Variants in PPL observed in about 807,000 individuals in gnomAD.
The protein encoded by PPL is periplakin.
Under a neutral mutation model 194.4 loss-of-function variants are expected in PPL, and 198 were observed. That is an observed-to-expected ratio of 1.02 (90% confidence interval 0.91 to 1.15). The LOEUF (loss-of-function observed/expected upper bound fraction) is 1.15, where lower values mean the gene tolerates loss of function less well. Among genes scored for constraint, PPL ranks in the 50% most tolerant of loss-of-function variants. The pLI is 0.00. For synonymous variants in PPL, 1,220 were observed against 972.4 expected, an observed-to-expected ratio of 1.25 and a Z score of -4.74; for missense variants, 2,885 against 2,294.8, an observed-to-expected ratio of 1.26 and a Z score of -5.25.
chr16:4,884,947 A>G lies in PPL; in HGVS notation c.3708T>C (p.Ile1236=). 1 of 1,614,030 alleles carries G rather than the reference A, an allele frequency of 6.2e-7. No homozygotes were observed. Among genetic ancestry groups the G allele is most frequent in the Non-Finnish European group, 8.5e-7 (1 of 1,179,992 alleles). ...VEVKEVTKEV[I]KYKTDPEMEK... ...CCATCTCAGGGTCAGTCTTGTACTT[A>G]ATGACTTCCTTAGTCACCTCTTTGA... Residue 1236 remains isoleucine (I), a synonymous_variant, in exon 22 of 22, where the codon ATT becomes ATC. Coordinates refer to ENST00000345988, the MANE Select transcript of PPL (RefSeq NM_002705.5). The surrounding 1 kb of genome is among the most constrained non-coding windows in gnomAD (Gnocchi z 5.7).
In PPL at chr16:4,892,070, C is replaced by G. The variant is rs1567998245; in HGVS notation, c.1794G>C (p.Glu598Asp). ...CCAAGTCCAGCAGCTGCAGGAGGTGCTCGTATTTCCGGTTGGTGTCCTCCA... is the reference window on the plus strand; with the variant it reads ...CCAAGTCCAGCAGCTGCAGGAGGTGGTCGTATTTCCGGTTGGTGTCCTCCA... ...TRVEDTNRKY[E>D]HLLQLLDLAQ... Residue 598 changes from glutamate (E) to aspartate (D), a missense_variant, in exon 15 of 22, where the codon GAG (glutamate) becomes GAC (aspartate). Glu to Asp is a conservative substitution (Grantham distance 45). Coordinates refer to ENST00000345988, the MANE Select transcript of PPL (RefSeq NM_002705.5). 6.2e-7 allele frequency: 1 copy of G among 1,613,820 alleles called. No individual in the cohort carries two copies. Among genetic ancestry groups the G allele is most frequent in the East Asian group, 2.2e-5 (1 of 44,878 alleles).
chr16:4,897,942 G>A (rs1417358461), intron 8 of PPL, among the ~76,000 whole-genome samples, 172 bp from the exon 9 acceptor site: 1 of 152,178 alleles, frequency 6.6e-6, no homozygotes, highest in African/African-American at 2.4e-5. Context: ...GAGGAGGAGA[G>A]AGGGGTCACG....
chr16:4,926,784 C>T (rs8057161), intron 1 of PPL, among the ~76,000 whole-genome samples: 11,536 of 144,430 alleles, frequency 0.08, 650 homozygotes, highest in African/African-American at 0.16. Context: ...GAGGCTGAGG[C>T]GGGAGAATGG....
intron 2 of PPL, among the ~76,000 whole-genome samples, chr16:4,910,517 C>T (rs954245682): frequency 1.3e-5 from 2 of 152,108 alleles, no homozygotes; most frequent in Non-Finnish European, 2.9e-5. Flanking sequence ...AGACGCTTTC[C>T]ACAGGGCCCA....
chr16:4,908,443 T>TCC (rs201414349), intron 2 of PPL, among the ~76,000 whole-genome samples: 1 of 135,202 alleles, frequency 7.4e-6, no homozygotes, highest in Non-Finnish European at 1.6e-5. Flanking sequence ...TCTCTCTCTC[T>TCC]CTCACACACA....
chr16:4,919,024 C>A (rs2088983948), intron 1 of PPL, among the ~76,000 whole-genome samples: 1 of 152,202 alleles, frequency 6.6e-6, no homozygotes, highest in African/African-American at 2.4e-5. Context: ...CAGACACAGA[C>A]AGCAGCCACC....
chr16:4,908,092 G>T (rs556584106), intron 2 of PPL, among the ~76,000 whole-genome samples: 1 of 151,626 alleles, frequency 6.6e-6, no homozygotes, highest in East Asian at 1.9e-4. Flanking sequence ...AACCCGGGAG[G>T]TGGAGGTTGC....
At chr16:4,935,092 T>C (rs533663755) in intron 1 of PPL, among the ~76,000 whole-genome samples, 2 of 152,300 alleles carry the variant, frequency 1.3e-5, no homozygotes, top group Admixed American at 1.3e-4. Flanking sequence ...GGACAGACCG[T>C]GGCTGCCTTG....
chr16:4,935,899 G>C (rs1347457265), intron 1 of PPL, among the ~76,000 whole-genome samples: 1 of 152,154 alleles, frequency 6.6e-6, no homozygotes, highest in African/African-American at 2.4e-5. Flanking sequence ...CCAGACAGGA[G>C]AGCCATGTAA....
At position 4,890,641 on chromosome 16, in the gene PPL, C is replaced by A. The variant is rs2088301376; in HGVS notation, c.2162+87G>T. ...TCACCAAAAAGAAAAACAGCAAAAT[C>A]TGTGGGACACGGCTAAAGCATTGCT... is the stretch of plus-strand genomic sequence containing the variant. On this transcript the variant is annotated intron_variant, in intron 17 of 21. Coordinates refer to ENST00000345988, the MANE Select transcript of PPL (RefSeq NM_002705.5). 29 of 1,441,818 alleles carry A rather than the reference C, an allele frequency of 2.0e-5. No homozygotes were observed. The South Asian group carries it at 3.3e-4, about 16-fold the overall frequency. The allele number at this position is 1,441,818 out of a possible 1,614,324, so 89.3% of individuals were successfully genotyped here. A position where few individuals can be genotyped will look rare whatever the true frequency, so the allele number is the denominator to read the frequency against.
intron 1 of PPL, among the ~76,000 whole-genome samples, chr16:4,929,856 T>C (rs1337738831): frequency 6.6e-6 from 1 of 151,942 alleles, no homozygotes; most frequent in Non-Finnish European, 1.5e-5. Flanking sequence ...CAGCTAATTT[T>C]TTTTTTTTTT....
At chr16:4,922,361 C>G (rs934129858) in intron 1 of PPL, among the ~76,000 whole-genome samples, 1 of 152,106 alleles carries the variant, frequency 6.6e-6, no homozygotes, top group African/African-American at 2.4e-5. Context: ...TTTTAAGGAG[C>G]TGATAAAAGC....
rs747042407 is a variant in PPL at position 4,894,532 on chromosome 16, C to G, written c.1329G>C (p.Leu443=). 1 of 1,613,988 alleles carries G rather than the reference C, an allele frequency of 6.2e-7. No individual in the cohort carries two copies. Among genetic ancestry groups the G allele is most frequent in the South Asian group, 1.1e-5 (1 of 91,084 alleles). The change falls in exon 12 of 22, where the codon CTG becomes CTC. Residue 443 remains leucine, a synonymous_variant. Coordinates refer to ENST00000345988, the MANE Select transcript of PPL (RefSeq NM_002705.5). ...TCACAAAACACACGGCCGGAGCAATCAGCTTGTTCCCAGCGCTGTCCATGA... is the reference window on the plus strand; with the variant it reads ...TCACAAAACACACGGCCGGAGCAATGAGCTTGTTCCCAGCGCTGTCCATGA... The part of the protein sequence containing the change: ...WELMDSAGNK[L]IAPAVCFVIP...
At chr16:4,923,616 A>C (rs574943268) in intron 1 of PPL, among the ~76,000 whole-genome samples, 1 of 152,092 alleles carries the variant, frequency 6.6e-6, no homozygotes, top group African/African-American at 2.4e-5. Context: ...GCAGGGGAGG[A>C]AACTGAGGCA....
chr16:4,883,115 CAGGAAAAGGG>C lies in PPL; in HGVS notation c.*259_*268del, dbSNP rs1275882243. The C allele has an allele frequency of 1.1e-5, 5 of 454,590 alleles. No homozygotes were observed. The highest frequency in any genetic ancestry group is 9.8e-5 in the South Asian group (4 of 40,998). 28.2% of individuals were successfully genotyped at this position (454,590 alleles called of 1,614,324 possible). ...TGAGGAGTTTGTTGCTGGGAGTGTA[CAGGAAAAGGG>C]AGGAAAAGGCATCGCAGTTGTCCAG... On this transcript the variant is annotated 3_prime_UTR_variant, in exon 22 of 22. Transcript: ENST00000345988. The surrounding 1 kb of genome is among the most constrained non-coding windows in gnomAD (Gnocchi z 4.8).
Position 4,893,314 on chromosome 16 carries a change from C to T in PPL, c.1549G>A (p.Asp517Asn), listed in dbSNP as rs377135879. The T allele has an allele frequency of 1.1e-4, 175 of 1,607,704 alleles. No homozygotes were observed. Among genetic ancestry groups the T allele is most frequent in the African/African-American group, 5.5e-4 (41 of 74,894 alleles). Reference sequence around the variant, plus strand: ...ATGGCCTTCTCCTGCCGGTCCAGGTCGCTGGCCACCTTGTCCAAGCCAGCC... The same window carrying T: ...ATGGCCTTCTCCTGCCGGTCCAGGTTGCTGGCCACCTTGTCCAAGCCAGCC... Reference protein sequence around the residue: ...LLAGLDKVASDLDRQEKAITG... With the variant: ...LLAGLDKVASNLDRQEKAITG... The change falls in exon 14 of 22, where the codon GAC becomes AAC. Residue 517 changes from aspartate (D) to asparagine (N), a missense_variant. Transcript: ENST00000345988.
rs543105458 is a variant in PPL at position 4,921,978 on chromosome 16, C to T, written c.63-11029G>A. Reference sequence around the variant, plus strand: ...GCCTTGACACACCACCGATGCTCCACGTGGGCAGAGAAAGATAACACAGGT... The same window carrying T: ...GCCTTGACACACCACCGATGCTCCATGTGGGCAGAGAAAGATAACACAGGT... On this transcript the variant is annotated intron_variant, in intron 1 of 21. Coordinates refer to ENST00000345988, the MANE Select transcript of PPL (RefSeq NM_002705.5). Among the ~76,000 whole-genome samples, 175 of 152,100 alleles carry T rather than the reference C, an allele frequency of 1.2e-3. 1 individual carries two copies. Among genetic ancestry groups the T allele is most frequent in the African/African-American group, 4.0e-3 (167 of 41,498 alleles).
At position 4,883,599 on chromosome 16, in the gene PPL, C is replaced by A; in HGVS notation, c.5056G>T (p.Val1686Leu). 1 of 1,614,180 alleles carries A rather than the reference C, an allele frequency of 6.2e-7. No individual in the cohort carries two copies. The stretch of plus-strand genomic sequence containing the variant: ...TCGCACTCCTGGCTTCTGAGTTTCA[C>A]GAACATGTTCCAGTCAATGAGCCCG... ...RAGLIDWNMF[V>L]KLRSQECDWE... The change falls in exon 22 of 22, where the codon GTG becomes TTG. Residue 1686 changes from valine to leucine, a missense_variant. By Grantham distance (32) the Val-to-Leu change is conservative. Transcript: ENST00000345988. The surrounding 1 kb of genome is among the most constrained non-coding windows in gnomAD (Gnocchi z 4.8).
chr16:4,891,740 G>C lies in PPL; in HGVS notation c.1968+71C>G, dbSNP rs983274411. The C allele has an allele frequency of 2.6e-6, 4 of 1,520,880 alleles. No homozygotes were observed. In the African/African-American group the frequency reaches 5.5e-5, roughly 21 times the overall value. 94.2% of individuals were successfully genotyped at this position (1,520,880 alleles called of 1,614,324 possible). A position where few individuals can be genotyped will look rare whatever the true frequency, so the allele number is the denominator to read the frequency against. On this transcript the variant is annotated intron_variant, in intron 16 of 21. Transcript: ENST00000345988. ...TGCTGGTGTCCTCATCTATCCAGACGGGCGGGTGGATGTGCCAGATGCTCT... is the reference window on the plus strand; with the variant it reads ...TGCTGGTGTCCTCATCTATCCAGACCGGCGGGTGGATGTGCCAGATGCTCT...
Sources: gnomAD v4.1 joint callset for allele counts (sites outside exome capture counted in the v4.1 genomes callset) on GRCh38, gnomAD v4.1.1 for gene constraint, Gnocchi (gnomAD v3.1) non-coding constraint, MANE v1.5 for transcripts, NCBI Gene and HGNC (gene_info 2026-07-23, HGNC 2026-07-21) for gene names.